The following MAK variants were observed in gnomAD, a reference collection of about 807,000 sequenced individuals.
The protein encoded by MAK is male germ cell associated kinase, also known as serine/threonine-protein kinase MAK.
A neutral mutation model predicts 82.6 loss-of-function variants in MAK; 65 were observed. That is an observed-to-expected ratio of 0.79 (90% confidence interval 0.64 to 0.97). The LOEUF (loss-of-function observed/expected upper bound fraction) is 0.97, where lower values mean the gene tolerates loss of function less well. Among genes scored for constraint, MAK ranks in the 50% least tolerant of loss-of-function variants. The probability of loss-of-function intolerance (pLI) is 0.00; values close to 1 mark genes in which losing one functional copy is unlikely to be tolerated. For missense variants in MAK, 703 were observed against 780.2 expected (o/e 0.90, Z 1.18); for synonymous variants, 250 against 274.2 (o/e 0.91, Z 0.87).
chr6:10,804,018 G>A, intron 6 of MAK, 127 bp from the exon 7 acceptor site: 3 of 775,168 alleles, frequency 3.9e-6, no homozygotes, highest in Non-Finnish European at 6.6e-6. Flanking sequence ...TGTTCCATCT[G>A]TGTGTCAGGC....
At chr6:10,813,117 TA>T (rs1561987286) in intron 5 of MAK, among the ~76,000 whole-genome samples, 112 of 5,416 alleles carry the variant, frequency 0.021, 22 homozygotes, top group South Asian at 0.041. Flanking sequence ...TATATATATA[TA>T]TATATATATA....
In MAK at chr6:10,814,554, G is replaced by C. The variant is rs1345944030; in HGVS notation, c.279-831C>G. Among the ~76,000 whole-genome samples the C allele has an allele frequency of 2.0e-5, 3 of 151,946 alleles. No homozygotes were observed. In the East Asian group the frequency reaches 5.9e-4, roughly 30 times the overall value. ...TGTGGTAGCGCATGCCTGTAGTCCA[G>C]CTGCTGGAGAGGCTGAGGTGGGAGG... On this transcript the variant is annotated intron_variant, in intron 4 of 14. Transcript: ENST00000354489.
intron 2 of MAK, among the ~76,000 whole-genome samples, chr6:10,824,707 C>A (rs58756338): frequency 0.014 from 2,200 of 152,278 alleles, 57 homozygotes; most frequent in African/African-American, 0.051. Flanking sequence ...TGACACTGGG[C>A]AACCCCTTTG....
chr6:10,781,667 G>A (rs978093088), intron 11 of MAK, among the ~76,000 whole-genome samples: 7 of 151,846 alleles, frequency 4.6e-5, no homozygotes, highest in African/African-American at 1.5e-4. Context: ...CAAGTGATCC[G>A]CCTGCCTCAG....
intron 1 of MAK, among the ~76,000 whole-genome samples, chr6:10,833,870 T>G (rs1432448039): frequency 6.6e-6 from 1 of 152,152 alleles, no homozygotes; most frequent in Non-Finnish European, 1.5e-5. Flanking sequence ...AAGAATAGTT[T>G]TGTAAGTCAT....
chr6:10,811,401 G>C (rs1215717691), intron 5 of MAK, among the ~76,000 whole-genome samples: 1 of 152,238 alleles, frequency 6.6e-6, no homozygotes, highest in Non-Finnish European at 1.5e-5. Context: ...ATCCTTATAG[G>C]CTGGTTTCCC....
chr6:10,834,022 T>C (rs1331416466), intron 1 of MAK, among the ~76,000 whole-genome samples: 2 of 152,224 alleles, frequency 1.3e-5, no homozygotes, highest in Non-Finnish European at 2.9e-5. Flanking sequence ...CAAATATAAT[T>C]TGGAAAAATC....
intron 14 of MAK, among the ~76,000 whole-genome samples, chr6:10,767,790 C>CAAAAAAAAAAAAAA (rs35961098): frequency 1.4e-5 from 2 of 139,332 alleles, no homozygotes; most frequent in Non-Finnish European, 3.2e-5. Context: ...GACTTTGTCT[C>CAAAAAAAAAAAAAA]AAAAAAAAAA....
chr6:10,772,578 C>A (rs1773109316), intron 13 of MAK, among the ~76,000 whole-genome samples: 1 of 152,028 alleles, frequency 6.6e-6, no homozygotes, highest in South Asian at 2.1e-4. Context: ...CTCTTGATCT[C>A]ATGATCTGCC....
Position 10,764,074 on chromosome 6 carries a change from T to C in MAK, c.*378A>G, listed in dbSNP as rs951140535. 4 of 206,490 alleles carry C rather than the reference T, an allele frequency of 1.9e-5. No homozygotes were observed. Among genetic ancestry groups the C allele is most frequent in the African/African-American group, 9.5e-5 (4 of 42,136 alleles). 12.8% of individuals were successfully genotyped at this position (206,490 alleles called of 1,614,324 possible). On this transcript the variant is annotated 3_prime_UTR_variant, in exon 15 of 15. Coordinates refer to ENST00000354489, the MANE Select transcript of MAK (RefSeq NM_001242957.3). Reference sequence around the variant, plus strand: ...AGCCAACCACAGCAAAGTGAAGAACTACTAAACCATTTGGGCACATACAAC... The same window carrying C: ...AGCCAACCACAGCAAAGTGAAGAACCACTAAACCATTTGGGCACATACAAC...
rs3064109 is a variant in MAK at position 10,815,912 on chromosome 6, GTA to G, written c.278+1936_278+1937del. ...TACTGTATTAGTGTAGCTTTATACAGTATATATATATATATATATATATATAT... is the reference window on the plus strand; with the variant it reads ...TACTGTATTAGTGTAGCTTTATACAGTATATATATATATATATATATATAT... On this transcript the variant is annotated intron_variant, in intron 4 of 14. Coordinates refer to ENST00000354489, the MANE Select transcript of MAK (RefSeq NM_001242957.3). 7.3e-3 allele frequency among the ~76,000 whole-genome samples: 793 copies of G among 108,322 alleles called. 18 individuals are homozygous for G. Among genetic ancestry groups the G allele is most frequent in the African/African-American group, 0.028 (608 of 21,844 alleles). The allele number at this position is 108,322 out of a possible 152,430, so 71.1% of individuals were successfully genotyped here. A position where few individuals can be genotyped will look rare whatever the true frequency, so the allele number is the denominator to read the frequency against.
At chr6:10,808,591 T>C (rs1159613493) in intron 6 of MAK, among the ~76,000 whole-genome samples, 2 of 152,238 alleles carry the variant, frequency 1.3e-5, no homozygotes, top group African/African-American at 4.8e-5. Context: ...TAAATATTTG[T>C]TGAATGAATG....
Position 10,773,024 on chromosome 6 carries a change from C to A in MAK, c.1672+10G>T, listed in dbSNP as rs1057063907. 1 of 1,516,708 alleles carries A rather than the reference C, an allele frequency of 6.6e-7. No individual in the cohort carries two copies. Among genetic ancestry groups the A allele is most frequent in the African/African-American group, 1.4e-5 (1 of 72,718 alleles). The allele number at this position is 1,516,708 out of a possible 1,614,324, so 94.0% of individuals were successfully genotyped here. ...GAACAAACTGCATTCATCTGACGCC[C>A]AGAAATTACCTTGTGGGTCCTCTAA... On this transcript the variant is annotated intron_variant, in intron 13 of 14. Coordinates refer to ENST00000354489, the MANE Select transcript of MAK (RefSeq NM_001242957.3).
rs1775520751 is a variant in MAK, at chr6:10,796,016, G to A, written c.1125C>T (p.Ile375=). 4.3e-6 allele frequency: 7 copies of A among 1,613,732 alleles called. No homozygotes were observed. The highest frequency in any genetic ancestry group is 1.3e-5 in the African/African-American group (1 of 75,036). The part of the protein sequence containing the change: ...EKPPQTLFPS[I]VKNMPTKPNG... Reference sequence around the variant, plus strand: ...TACTCACAGTTGGCATGTTTTTGACGATGCTCGGGAATAGCGTTTGTGGCG... The same window carrying A: ...TACTCACAGTTGGCATGTTTTTGACAATGCTCGGGAATAGCGTTTGTGGCG... The change falls in exon 9 of 15, where the codon ATC becomes ATT. Residue 375 remains isoleucine (I), a synonymous_variant. Coordinates refer to ENST00000354489, the MANE Select transcript of MAK (RefSeq NM_001242957.3).
In MAK at chr6:10,763,630, AG is replaced by A. The variant is rs1283571974; in HGVS notation, c.*821del. 6.6e-6 allele frequency: 1 copy of A among 151,868 alleles called. No individual in the cohort carries two copies. The highest frequency in any genetic ancestry group is 1.5e-5 in the Non-Finnish European group (1 of 68,044). The allele number at this position is 151,868 out of a possible 1,614,324, so 9.4% of individuals were successfully genotyped here. ...GAGGCCGAGGCAGGTGGATCACCTG[AG>A]GTCAGGAGTTTGAGACCAGCCTGAG... is the stretch of plus-strand genomic sequence containing the variant. On this transcript the variant is annotated 3_prime_UTR_variant, in exon 15 of 15. Coordinates refer to ENST00000354489, the MANE Select transcript of MAK (RefSeq NM_001242957.3).
At position 10,796,023 on chromosome 6, in the gene MAK, G is replaced by C; in HGVS notation, c.1118C>G (p.Pro373Arg). The change falls in exon 9 of 15, where the codon CCG becomes CGG. Residue 373 changes from proline to arginine, a missense_variant. Pro to Arg is a moderately radical substitution (Grantham distance 103). Transcript: ENST00000354489. ...AGTTGGCATGTTTTTGACGATGCTCGGGAATAGCGTTTGTGGCGGTTTCTC... is the reference window on the plus strand; with the variant it reads ...AGTTGGCATGTTTTTGACGATGCTCCGGAATAGCGTTTGTGGCGGTTTCTC... ...SQEKPPQTLFPSIVKNMPTKP... is the reference protein window; with the variant it reads ...SQEKPPQTLFRSIVKNMPTKP... 6.2e-7 allele frequency: 1 copy of C among 1,613,870 alleles called. No homozygotes were observed. Among genetic ancestry groups the C allele is most frequent in the Non-Finnish European group, 8.5e-7 (1 of 1,179,786 alleles).
intron 11 of MAK, among the ~76,000 whole-genome samples, chr6:10,781,987 C>T (rs1331104951): frequency 6.6e-6 from 1 of 152,050 alleles, no homozygotes; most frequent in Non-Finnish European, 1.5e-5. Flanking sequence ...GGGTGGATCA[C>T]CTGAGGTCAG....
chr6:10,779,425 G>A, intron 11 of MAK: 6 of 985,280 alleles, frequency 6.1e-6, no homozygotes, highest in Non-Finnish European at 7.2e-6. Context: ...CAGTAACTAT[G>A]ACTCTTGCGT....
intron 8 of MAK, among the ~76,000 whole-genome samples, chr6:10,798,673 A>C (rs925116841): frequency 6.6e-6 from 1 of 151,986 alleles, no homozygotes; most frequent in African/African-American, 2.4e-5. Context: ...AAATCATATT[A>C]TTTGTATAAT....
Sources: gnomAD v4.1 joint callset for allele counts (sites outside exome capture counted in the v4.1 genomes callset) on GRCh38, gnomAD v4.1.1 for gene constraint, MANE v1.5 for transcripts, NCBI Gene and HGNC (gene_info 2026-07-23, HGNC 2026-07-21) for gene names.